The following CHRNA3 variants were observed in gnomAD, a reference collection of about 807,000 sequenced individuals.
The protein encoded by CHRNA3 is cholinergic receptor nicotinic alpha 3 subunit.
In CHRNA3, 34 loss-of-function variants were observed where a neutral mutation model predicts 41.9. That is an observed-to-expected ratio of 0.81 (90% CI 0.62 to 1.08). The LOEUF (loss-of-function observed/expected upper bound fraction) is 1.08. Among genes scored for constraint, CHRNA3 ranks in the 50% least tolerant of loss-of-function variants. CHRNA3 has a pLI of 0.00. For synonymous variants in CHRNA3, 281 were observed against 265.2 expected (o/e 1.06, Z -0.58); for missense variants, 542 against 638.3 (o/e 0.85, Z 1.63).
intron 4 of CHRNA3, among the ~76,000 whole-genome samples, chr15:78,612,241 C>T (rs868733702): frequency 6.6e-6 from 1 of 151,106 alleles, no homozygotes; most frequent in Non-Finnish European, 1.5e-5. Context: ...GGAACCAAAA[C>T]AGAGCCCGCA....
At chr15:78,600,271 C>T (rs923571891) in intron 5 of CHRNA3, among the ~76,000 whole-genome samples, 1 of 152,116 alleles carries the variant, frequency 6.6e-6, no homozygotes, top group Middle Eastern at 3.4e-3. Flanking sequence ...GACGGGGTTT[C>T]GCTATGTTTC....
chr15:78,597,012 T>A (rs372396313), intron 5 of CHRNA3, among the ~76,000 whole-genome samples: 4 of 152,234 alleles, frequency 2.6e-5, no homozygotes, highest in African/African-American at 7.2e-5. Flanking sequence ...TAAACTGAAT[T>A]CCAATTTTAT....
At position 78,601,939 on chromosome 15, in the gene CHRNA3, GCGAGTATGTGATGT is replaced by G. The variant is rs763640173; in HGVS notation, c.689_702del (p.Asp230AlafsTer37). The G allele has an allele frequency of 3.1e-6, 5 of 1,609,218 alleles. No homozygotes were observed. In the East Asian group the frequency reaches 1.1e-4, roughly 36 times the overall value. On this transcript the variant is annotated frameshift_variant, in exon 5 of 6. Transcript: ENST00000326828. LOFTEE classifies it high-confidence loss of function. ...AACAAGGGCAGGCGCCGGATGTACAGCGAGTATGTGATGTCGGGGTAGATCTCCTCGCAGCAGTT... is the reference window on the plus strand; with the variant it reads ...AACAAGGGCAGGCGCCGGATGTACAGCGGGGTAGATCTCCTCGCAGCAGTT...
At chr15:78,601,228 A>G (rs2053191382) in intron 5 of CHRNA3, 25 bp downstream of exon 5, 1 of 1,598,528 alleles carries the variant, frequency 6.3e-7, no homozygotes, top group Non-Finnish European at 8.5e-7. Flanking sequence ...ATGAATGACC[A>G]ATGTAATAAA....
In CHRNA3 at chr15:78,602,267, G is replaced by A. The variant is rs79305070; in HGVS notation, c.378-3C>T. 4.3e-5 allele frequency: 69 copies of A among 1,612,010 alleles called. No homozygotes were observed. The Admixed American group carries it at 1.1e-3, about 25-fold the overall frequency. On this transcript the variant is annotated splice_polypyrimidine_tract_variant and splice_region_variant and intron_variant, in intron 4 of 5. Coordinates refer to ENST00000326828, the MANE Select transcript of CHRNA3 (RefSeq NM_000743.5). The stretch of plus-strand genomic sequence containing the variant: ...CCACCTGGAAATCCCCAACAGCACT[G>A]CAAAGACAAAGAGGGGGCACAGTGA...
chr15:78,618,810 T>C lies in CHRNA3; in HGVS notation c.188A>G (p.His63Arg). 2 of 1,614,016 alleles carry C rather than the reference T, an allele frequency of 1.2e-6. No individual in the cohort carries two copies. The highest frequency in any genetic ancestry group is 1.7e-6 in the Non-Finnish European group (2 of 1,180,004). Residue 63 changes from histidine (H) to arginine (R), a missense_variant, in exon 2 of 6, where the codon CAT becomes CGT. Physicochemically the swap from His to Arg is conservative, Grantham distance 29. Coordinates refer to ENST00000326828, the MANE Select transcript of CHRNA3 (RefSeq NM_000743.5). ...CAGCTGAGACATGGACACCTCGAAA[T>C]GGATGATGACTGGGTCAGACACGTT... ...VANVSDPVII[H>R]FEVSMSQLVK... is the part of the protein sequence containing the mutation.
At chr15:78,620,658 C>T (rs1239415207) in intron 1 of CHRNA3, 55 bp downstream of exon 1, 1 of 1,493,988 alleles carries the variant, frequency 6.7e-7, no homozygotes, top group Non-Finnish European at 8.9e-7. Flanking sequence ...CCTCCGGACC[C>T]CGCGCCCCTT....
intron 4 of CHRNA3, among the ~76,000 whole-genome samples, chr15:78,611,782 C>T (rs530559519): frequency 4.6e-5 from 7 of 151,870 alleles, no homozygotes; most frequent in African/African-American, 1.7e-4. Flanking sequence ...GTCAAATTGT[C>T]CCTGTTTGCA....
At chr15:78,617,681 A>C (rs530498340) in intron 3 of CHRNA3, among the ~76,000 whole-genome samples, 1 of 152,300 alleles carries the variant, frequency 6.6e-6, no homozygotes, top group Non-Finnish European at 1.5e-5. Context: ...GGCTGCGGCC[A>C]CAGAGGGAAC....
At chr15:78,618,424 T>C (rs1217842857) in intron 3 of CHRNA3, 193 bp downstream of exon 3, 5 of 619,896 alleles carry the variant, frequency 8.1e-6, no homozygotes, top group Non-Finnish European at 1.4e-5. Flanking sequence ...GGCCCTACAG[T>C]CCTTCCAGGG....
chr15:78,608,705 C>T (rs1174181133), intron 4 of CHRNA3, among the ~76,000 whole-genome samples: 1 of 152,112 alleles, frequency 6.6e-6, no homozygotes, highest in African/African-American at 2.4e-5. Context: ...TAGCTCCTCA[C>T]CAGCAATGGA....
At chr15:78,611,299 A>C (rs530606731) in intron 4 of CHRNA3, among the ~76,000 whole-genome samples, 1,627 of 152,282 alleles carry the variant, frequency 0.011, 22 homozygotes, top group Non-Finnish European at 0.018. Context: ...ATCCTTGATG[A>C]ACATTGATGC....
intron 5 of CHRNA3, among the ~76,000 whole-genome samples, chr15:78,599,306 CA>C (rs2053160635): frequency 6.6e-6 from 1 of 152,076 alleles, no homozygotes; most frequent in Non-Finnish European, 1.5e-5. Flanking sequence ...CTTTAAAGCA[CA>C]ATGATATTGG....
At chr15:78,616,628 T>C (rs532313370) in intron 4 of CHRNA3, among the ~76,000 whole-genome samples, 1 of 152,286 alleles carries the variant, frequency 6.6e-6, no homozygotes, top group East Asian at 1.9e-4. Flanking sequence ...TCCAGCCTTA[T>C]GTCCCACAGT....
At chr15:78,618,738 G>A (rs56409843) in intron 2 of CHRNA3, 38 bp downstream of exon 2, 30 of 1,614,010 alleles carry the variant, frequency 1.9e-5, no homozygotes, top group Middle Eastern at 1.6e-4. Context: ...CAGAAGCCCC[G>A]GTCCCCATGG....
intron 4 of CHRNA3, among the ~76,000 whole-genome samples, chr15:78,604,899 G>A (rs929649166): frequency 2.0e-5 from 3 of 152,038 alleles, no homozygotes; most frequent in African/African-American, 7.2e-5. Context: ...TGTAATCCCA[G>A]CTACTCGGGA....
intron 5 of CHRNA3, among the ~76,000 whole-genome samples, chr15:78,598,684 G>A (rs1319903204): frequency 1.3e-5 from 2 of 152,126 alleles, no homozygotes; most frequent in Admixed American, 1.3e-4. Context: ...GGGATTACAG[G>A]TGCCTAGCAC....
intron 5 of CHRNA3, among the ~76,000 whole-genome samples, chr15:78,600,661 T>A (rs2053183171): frequency 6.6e-6 from 1 of 152,046 alleles, no homozygotes; most frequent in African/African-American, 2.4e-5. Flanking sequence ...GTGAGCAGAT[T>A]GAGTCGAGGA....
intron 4 of CHRNA3, among the ~76,000 whole-genome samples, chr15:78,611,135 C>G (rs1315718798): frequency 1.3e-5 from 2 of 152,194 alleles, no homozygotes; most frequent in African/African-American, 4.8e-5. Flanking sequence ...TGAATTCTAT[C>G]AGAGGTACAA....
Sources: allele counts gnomAD v4.1 joint callset (sites outside exome capture counted in the v4.1 genomes callset), GRCh38; gene constraint gnomAD v4.1.1; transcripts MANE v1.5; gene names NCBI Gene and HGNC (gene_info 2026-07-23, HGNC 2026-07-21).